The following DPYSL5 variants were observed in gnomAD, a reference collection of about 807,000 sequenced individuals.
DPYSL5 encodes the protein dihydropyrimidinase-related protein 5.
A neutral mutation model predicts 58.4 loss-of-function variants in DPYSL5; 9 were observed. The ratio of observed to expected loss-of-function variants is 0.15; its 90% CI spans 0.09 to 0.27. The LOEUF (loss-of-function observed/expected upper bound fraction) is 0.27. DPYSL5 is among the 10% of genes least tolerant of loss of function. The probability of loss-of-function intolerance (pLI) is 1.00; values close to 1 mark genes in which losing one functional copy is unlikely to be tolerated. For missense variants in DPYSL5, 499 were observed against 770.6 expected (o/e 0.65, Z 4.17); for synonymous variants, 293 against 301.9 (o/e 0.97, Z 0.31).
chr2:26,941,932 C>A lies in DPYSL5; in HGVS notation c.1090-18C>A. 6.2e-7 allele frequency: 1 copy of A among 1,613,958 alleles called. No individual in the cohort carries two copies. Among genetic ancestry groups the A allele is most frequent in the Non-Finnish European group, 8.5e-7 (1 of 1,180,018 alleles). Reference sequence around the variant, plus strand: ...CCCCCAGAGCCTGGTTGACTTGACACTTTCTGCAACATTTCAGGTTGGAGG... The same window carrying A: ...CCCCCAGAGCCTGGTTGACTTGACAATTTCTGCAACATTTCAGGTTGGAGG... On this transcript the variant is annotated intron_variant, in intron 9 of 12. Coordinates refer to ENST00000288699, the MANE Select transcript of DPYSL5 (RefSeq NM_020134.4).
chr2:26,942,343 A>G lies in DPYSL5; in HGVS notation c.1233-200A>G, dbSNP rs1221425366. On this transcript the variant is annotated intron_variant, in intron 10 of 12. Transcript: ENST00000288699. This position sits in a 1 kb window ranked among gnomAD's most constrained non-coding sequence, Gnocchi z 5.9. ...GATTAGGGCCCACCTATATGACCTC[A>G]CTTTATCTTAATGATTACATTAAAG... Among the ~76,000 whole-genome samples the G allele has an allele frequency of 6.6e-6, 1 of 152,056 alleles. No homozygotes were observed. The highest frequency in any genetic ancestry group is 1.5e-5 in the Non-Finnish European group (1 of 68,018).
At chr2:26,880,629 C>T (rs1052477386) in intron 1 of DPYSL5, among the ~76,000 whole-genome samples, 2 of 152,262 alleles carry the variant, frequency 1.3e-5, no homozygotes, top group Admixed American at 1.3e-4. Flanking sequence ...ACCTCCGCCT[C>T]CCCTCTTTTC....
In DPYSL5 at chr2:26,924,686, G is replaced by A. The variant is rs980276876; in HGVS notation, c.262-201G>A. Among the ~76,000 whole-genome samples, 8 of 152,118 alleles carry A rather than the reference G, an allele frequency of 5.3e-5. No homozygotes were observed. The highest frequency in any genetic ancestry group is 3.9e-4 in the East Asian group (2 of 5,182). On this transcript the variant is annotated intron_variant, in intron 2 of 12. Transcript: ENST00000288699. This position sits in a 1 kb window ranked among gnomAD's most constrained non-coding sequence, Gnocchi z 4.7. ...GAGGAAGAAGCAGGTTTGGGGACCCGTGGTCATGATGAAGGTCGCGCTGGC... is the reference window on the plus strand; with the variant it reads ...GAGGAAGAAGCAGGTTTGGGGACCCATGGTCATGATGAAGGTCGCGCTGGC...
chr2:26,945,876 G>A (rs533039609), intron 12 of DPYSL5, among the ~76,000 whole-genome samples: 3 of 152,354 alleles, frequency 2.0e-5, no homozygotes, highest in Admixed American at 1.3e-4. Context: ...ATGGGTCAGC[G>A]CCTGCCTGCC....
intron 1 of DPYSL5, among the ~76,000 whole-genome samples, chr2:26,882,413 TTGTGTGTGTGTGTGTCTGTGTG>T (rs1663593800): frequency 7.2e-6 from 1 of 138,658 alleles, no homozygotes; most frequent in African/African-American, 2.7e-5. Flanking sequence ...GCCCAGCTTA[TTGTGTGTGTGTGTGTCTGTGTG>T]TGTGTGTGTG....
At chr2:26,937,551 G>C (rs1665209686) in intron 8 of DPYSL5, among the ~76,000 whole-genome samples, 1 of 151,862 alleles carries the variant, frequency 6.6e-6, no homozygotes, top group Non-Finnish European at 1.5e-5. Flanking sequence ...CTACTTTAGG[G>C]TATGATTTGT....
Position 26,898,828 on chromosome 2 carries a change from A to G in DPYSL5, c.261+68A>G. 1 of 1,528,632 alleles carries G rather than the reference A, an allele frequency of 6.5e-7. No homozygotes were observed. The highest frequency in any genetic ancestry group is 8.8e-7 in the Non-Finnish European group (1 of 1,134,124). The allele number at this position is 1,528,632 out of a possible 1,614,324, so 94.7% of individuals were successfully genotyped here. A position where few individuals can be genotyped will look rare whatever the true frequency, so the allele number is the denominator to read the frequency against. On this transcript the variant is annotated intron_variant, in intron 2 of 12. Coordinates refer to ENST00000288699, the MANE Select transcript of DPYSL5 (RefSeq NM_020134.4). The surrounding 1 kb of genome is among the most constrained non-coding windows in gnomAD (Gnocchi z 6.1). The stretch of plus-strand genomic sequence containing the variant: ...TTTATTCTGCTTCTAGGGCTGCTCC[A>G]GACTAGACTCATGTGAGCCAGGTGC...
intron 1 of DPYSL5, among the ~76,000 whole-genome samples, chr2:26,895,178 T>G (rs539975428): frequency 6.6e-6 from 1 of 152,376 alleles, no homozygotes; most frequent in Non-Finnish European, 1.5e-5. Flanking sequence ...CTGATTCCTC[T>G]GACTTTATTC....
chr2:26,871,741 A>G (rs1035400193), intron 1 of DPYSL5, among the ~76,000 whole-genome samples: 2 of 152,098 alleles, frequency 1.3e-5, no homozygotes, highest in Admixed American at 6.6e-5. Flanking sequence ...ACACCCAGCC[A>G]GAAACATTAC....
At chr2:26,932,129 G>GAAAAGAAA (rs1558351344) in intron 6 of DPYSL5, among the ~76,000 whole-genome samples, 32 of 119,816 alleles carry the variant, frequency 2.7e-4, no homozygotes, top group Middle Eastern at 8.5e-3. Flanking sequence ...GAAAGAGAAA[G>GAAAAGAAA]AAAGAAAGAG....
At chr2:26,926,332 G>A (rs1440262689) in intron 3 of DPYSL5, among the ~76,000 whole-genome samples, 6 of 152,112 alleles carry the variant, frequency 3.9e-5, no homozygotes. Flanking sequence ...TGGGTGAGAG[G>A]CCTCTACCTC....
At chr2:26,885,816 C>T (rs140638683) in intron 1 of DPYSL5, among the ~76,000 whole-genome samples, 2 of 152,216 alleles carry the variant, frequency 1.3e-5, no homozygotes, top group Admixed American at 6.5e-5. Context: ...CTCCTCAGTT[C>T]CTTGCCCCAG....
rs556825111 is a variant in DPYSL5 at position 26,944,427 on chromosome 2, C to T, written c.1441-229C>T. 5.8e-4 allele frequency among the ~76,000 whole-genome samples: 89 copies of T among 152,342 alleles called. 2 individuals carry two copies. In the South Asian group the frequency reaches 0.018, roughly 30 times the overall value. ...GCACACACACATGTGCACTCACATACATGCACGCATGCACACATGTACACA... is the reference window on the plus strand; with the variant it reads ...GCACACACACATGTGCACTCACATATATGCACGCATGCACACATGTACACA... On this transcript the variant is annotated intron_variant, in intron 11 of 12. Transcript: ENST00000288699. The surrounding 1 kb of genome is among the most constrained non-coding windows in gnomAD (Gnocchi z 4.4).
chr2:26,884,888 G>T (rs932333615), intron 1 of DPYSL5, among the ~76,000 whole-genome samples: 4 of 152,072 alleles, frequency 2.6e-5, no homozygotes, highest in Non-Finnish European at 5.9e-5. Context: ...CTGTACTTGT[G>T]TCAGTTTCTT....
At chr2:26,915,726 C>A (rs12613534) in intron 2 of DPYSL5, among the ~76,000 whole-genome samples, 56,326 of 151,910 alleles carry the variant, frequency 0.37, 10,926 homozygotes, top group Admixed American at 0.53. Flanking sequence ...TGATTTCCCC[C>A]AAAACCTTCC....
At chr2:26,937,379 G>A (rs947626712) in intron 8 of DPYSL5, among the ~76,000 whole-genome samples, 3 of 151,952 alleles carry the variant, frequency 2.0e-5, no homozygotes, top group African/African-American at 7.3e-5. Flanking sequence ...AGGATTTGGA[G>A]CATAATTTTA....
intron 2 of DPYSL5, among the ~76,000 whole-genome samples, chr2:26,904,035 AC>A (rs1664227076): frequency 6.6e-6 from 1 of 152,216 alleles, no homozygotes; most frequent in African/African-American, 2.4e-5. Context: ...GGGGTATCTT[AC>A]AGTCAACCTG....
At chr2:26,874,054 C>T (rs1185812504) in intron 1 of DPYSL5, among the ~76,000 whole-genome samples, 1 of 152,052 alleles carries the variant, frequency 6.6e-6, no homozygotes, top group Non-Finnish European at 1.5e-5. Flanking sequence ...CTACTTGTAT[C>T]TTTTTTGTAG....
chr2:26,907,766 C>T lies in DPYSL5; in HGVS notation c.261+9006C>T, dbSNP rs979075093. Reference sequence around the variant, plus strand: ...CAGCTCCAGGATGTCACTTTCTTCTCGCCAGCTGAAATAACTTGTCATCCT... The same window carrying T: ...CAGCTCCAGGATGTCACTTTCTTCTTGCCAGCTGAAATAACTTGTCATCCT... On this transcript the variant is annotated intron_variant, in intron 2 of 12. Transcript: ENST00000288699. Among the ~76,000 whole-genome samples the T allele has an allele frequency of 2.6e-5, 4 of 152,316 alleles. No individual in the cohort carries two copies. The East Asian group carries it at 5.8e-4, about 22-fold the overall frequency.
Sources: allele counts gnomAD v4.1 joint callset (sites outside exome capture counted in the v4.1 genomes callset), GRCh38; gene constraint gnomAD v4.1.1; non-coding constraint Gnocchi (gnomAD v3.1); transcripts MANE v1.5; gene names NCBI Gene and HGNC (gene_info 2026-07-23, HGNC 2026-07-21).